Variants in HS3ST5 observed in about 807,000 individuals in gnomAD.
HS3ST5 encodes heparan sulfate glucosamine 3-O-sulfotransferase 5.
HS3ST5 carries 10 observed loss-of-function variants against 25.4 expected under a neutral mutation model. The ratio of observed to expected loss-of-function variants is 0.39; its 90% CI spans 0.24 to 0.67. The LOEUF (loss-of-function observed/expected upper bound fraction) is 0.67, where lower values mean the gene tolerates loss of function less well. Ranked by LOEUF, HS3ST5 falls within the 30% of genes least tolerant of loss-of-function variation. The pLI, the probability that HS3ST5 is intolerant of heterozygous loss-of-function variation, is 0.44. For missense variants in HS3ST5, 324 were observed against 420.7 expected, an observed-to-expected ratio of 0.77 and a Z score of 2.01; for synonymous variants, 170 against 162.4, an observed-to-expected ratio of 1.05 and a Z score of -0.36.
chr6:114,235,969 T>C (rs552658726), intron 1 of HS3ST5, among the ~76,000 whole-genome samples: 4 of 152,288 alleles, frequency 2.6e-5, no homozygotes, highest in Admixed American at 6.5e-5. Context: ...AACCTTGCAG[T>C]TCAGAAACTT....
chr6:114,295,609 C>T (rs189668828), intron 1 of HS3ST5, among the ~76,000 whole-genome samples: 7 of 152,262 alleles, frequency 4.6e-5, no homozygotes, highest in Non-Finnish European at 1.0e-4. Flanking sequence ...TAGCCTGTGA[C>T]CACAAATCTC....
intron 3 of HS3ST5, among the ~76,000 whole-genome samples, chr6:114,091,233 CA>C (rs939031553): frequency 6.6e-5 from 10 of 152,148 alleles, no homozygotes; most frequent in African/African-American, 2.4e-4. Context: ...TTCACCTTGA[CA>C]TTCTAATTTT....
chr6:114,130,478 C>T (rs1350100827), intron 3 of HS3ST5, among the ~76,000 whole-genome samples: 1 of 152,218 alleles, frequency 6.6e-6, no homozygotes, highest in Non-Finnish European at 1.5e-5. Flanking sequence ...TGGCTCATGC[C>T]TGTAATCCCA....
At chr6:114,135,015 G>T (rs577088314) in intron 3 of HS3ST5, among the ~76,000 whole-genome samples, 1 of 152,352 alleles carries the variant, frequency 6.6e-6, no homozygotes, top group Non-Finnish European at 1.5e-5. Flanking sequence ...AGACATGGGT[G>T]AACTTGGTGA....
chr6:114,139,076 G>A (rs1241239007), intron 3 of HS3ST5, among the ~76,000 whole-genome samples: 1 of 152,170 alleles, frequency 6.6e-6, no homozygotes, highest in Non-Finnish European at 1.5e-5. Flanking sequence ...TATAGCAGGA[G>A]TGCACTTTGC....
At chr6:114,192,358 T>G (rs2114308481) in intron 2 of HS3ST5, among the ~76,000 whole-genome samples, 1 of 152,322 alleles carries the variant, frequency 6.6e-6, no homozygotes, top group African/African-American at 2.4e-5. Flanking sequence ...TATCATCCCA[T>G]TTCACAGATT....
At chr6:114,276,695 A>C (rs1218991693) in intron 1 of HS3ST5, among the ~76,000 whole-genome samples, 1 of 151,766 alleles carries the variant, frequency 6.6e-6, no homozygotes, top group Non-Finnish European at 1.5e-5. Context: ...TCAGCACTCC[A>C]TTTTCAATTT....
intron 1 of HS3ST5, among the ~76,000 whole-genome samples, chr6:114,331,917 G>A (rs573313014): frequency 6.6e-6 from 1 of 151,838 alleles, no homozygotes; most frequent in Non-Finnish European, 1.5e-5. Flanking sequence ...TCATTAAGTG[G>A]CTACTAATAA....
intron 3 of HS3ST5, among the ~76,000 whole-genome samples, chr6:114,112,985 C>T (rs1011245502): frequency 6.6e-6 from 1 of 152,180 alleles, no homozygotes; most frequent in Non-Finnish European, 1.5e-5. Flanking sequence ...CCCCTCTTGA[C>T]ATCTCAGGGG....
chr6:114,272,228 T>A (rs957170006), intron 1 of HS3ST5, among the ~76,000 whole-genome samples: 1 of 152,140 alleles, frequency 6.6e-6, no homozygotes, highest in Non-Finnish European at 1.5e-5. Flanking sequence ...CTAGATTTGG[T>A]AGACGATATG....
chr6:114,174,809 A>G (rs530992787), intron 2 of HS3ST5, among the ~76,000 whole-genome samples: 215 of 152,228 alleles, frequency 1.4e-3, no homozygotes, highest in Middle Eastern at 6.8e-3. Flanking sequence ...CCTGCCTAAC[A>G]TGGTGAAACC....
intron 3 of HS3ST5, among the ~76,000 whole-genome samples, chr6:114,149,352 C>G (rs777505935): frequency 3.3e-5 from 5 of 152,144 alleles, no homozygotes; most frequent in Non-Finnish European, 7.3e-5. Context: ...CAATGATAGA[C>G]TGGATAAAGA....
At chr6:114,069,866 C>G (rs1773698991) in intron 3 of HS3ST5, among the ~76,000 whole-genome samples, 1 of 152,054 alleles carries the variant, frequency 6.6e-6, no homozygotes, top group Non-Finnish European at 1.5e-5. Context: ...TTTGGGGATA[C>G]AGATGGTTAT....
chr6:114,283,002 T>C (rs1397806622), intron 1 of HS3ST5, among the ~76,000 whole-genome samples: 2 of 152,016 alleles, frequency 1.3e-5, no homozygotes, highest in Non-Finnish European at 2.9e-5. Context: ...ATCCAAGCTA[T>C]AAATTTGGTT....
intron 1 of HS3ST5, among the ~76,000 whole-genome samples, chr6:114,313,834 G>A (rs10447428): frequency 0.33 from 49,520 of 152,076 alleles, 8,948 homozygotes; most frequent in Non-Finnish European, 0.41. Context: ...AAAATCAGAT[G>A]CTTGGATATG....
At chr6:114,126,763 A>G (rs955202429) in intron 3 of HS3ST5, among the ~76,000 whole-genome samples, 1 of 151,944 alleles carries the variant, frequency 6.6e-6, no homozygotes, top group African/African-American at 2.4e-5. Flanking sequence ...AAAGATGTCA[A>G]TTTACTTCAG....
chr6:114,336,923 T>C (rs1025767552), intron 1 of HS3ST5, among the ~76,000 whole-genome samples: 3 of 152,212 alleles, frequency 2.0e-5, no homozygotes, highest in Non-Finnish European at 4.4e-5. Context: ...GATAGAACAG[T>C]TGTGGTACCT....
In HS3ST5 at chr6:114,210,727, G is replaced by GCATTTGCAA. The variant is rs1303647314; in HGVS notation, c.-145+17857_-145+17858insTTGCAAATG. 3.3e-5 allele frequency among the ~76,000 whole-genome samples: 5 copies of GCATTTGCAA among 152,346 alleles called. No homozygotes were observed. In the East Asian group the frequency reaches 9.6e-4, roughly 29 times the overall value. On this transcript the variant is annotated intron_variant, in intron 2 of 4. Coordinates refer to ENST00000312719, the MANE Select transcript of HS3ST5 (RefSeq NM_153612.4). ...GCTCGCTCAGCATTTGCAATGAGCA[G>GCATTTGCAA]TGATTGGCCTTTGCCCAATTCAGGG...
At chr6:114,116,117 G>T (rs1776518341) in intron 3 of HS3ST5, 1 of 151,940 alleles carries the variant, frequency 6.6e-6, no homozygotes, top group Admixed American at 6.6e-5. Flanking sequence ...TTTACCCACA[G>T]GAGTAAAAAG....
Sources: allele counts gnomAD v4.1 joint callset (sites outside exome capture counted in the v4.1 genomes callset), GRCh38; gene constraint gnomAD v4.1.1; transcripts MANE v1.5; gene names NCBI Gene and HGNC (gene_info 2026-07-23, HGNC 2026-07-21).